The following FOXP2 variants were observed in gnomAD, a reference collection of about 807,000 sequenced individuals.
FOXP2 encodes the protein forkhead box P2.
Under a neutral mutation model 115.8 loss-of-function variants are expected in FOXP2, and 12 were observed. That is an observed-to-expected ratio of 0.10 (90% CI 0.07 to 0.17). The LOEUF (loss-of-function observed/expected upper bound fraction) is 0.17, where lower values mean the gene tolerates loss of function less well. FOXP2 is among the 10% of genes least tolerant of loss of function. The pLI, the probability that FOXP2 is intolerant of heterozygous loss-of-function variation, is 1.00. For synonymous variants in FOXP2, 328 were observed against 297.7 expected, an observed-to-expected ratio of 1.10 and a Z score of -1.05; for missense variants, 629 against 843.5, an observed-to-expected ratio of 0.75 and a Z score of 3.15.
chr7:114,661,202 C>A (rs536876587), intron 13 of FOXP2, among the ~76,000 whole-genome samples: 1 of 151,626 alleles, frequency 6.6e-6, no homozygotes, highest in South Asian at 2.1e-4. Context: ...TAGCTATATG[C>A]CAATGTACCT....
chr7:114,164,857 C>G (rs1406824138), intron 1 of FOXP2, among the ~76,000 whole-genome samples: 1 of 152,104 alleles, frequency 6.6e-6, no homozygotes, highest in African/African-American at 2.4e-5. Flanking sequence ...ACAGAAAAAT[C>G]TTGGTGACCC....
At chr7:114,282,047 G>A (rs1254281649) in intron 1 of FOXP2, among the ~76,000 whole-genome samples, 1 of 152,128 alleles carries the variant, frequency 6.6e-6, no homozygotes, top group Non-Finnish European at 1.5e-5. Context: ...TAAGTTCTCA[G>A]TGGTAATTAA....
intron 3 of FOXP2, among the ~76,000 whole-genome samples, chr7:114,605,185 T>G (rs1361289424): frequency 6.6e-6 from 1 of 152,158 alleles, no homozygotes; most frequent in African/African-American, 2.4e-5. Flanking sequence ...CATTTACATG[T>G]TTTTTTCTTG....
chr7:114,186,549 G>C (rs557048910), intron 1 of FOXP2, among the ~76,000 whole-genome samples: 6 of 152,060 alleles, frequency 3.9e-5, no homozygotes, highest in African/African-American at 1.4e-4. Context: ...CCCTACCCCT[G>C]TGGCTTTGCT....
intron 3 of FOXP2, among the ~76,000 whole-genome samples, chr7:114,572,072 T>C (rs777733464): frequency 2.6e-5 from 4 of 151,798 alleles, no homozygotes; most frequent in Non-Finnish European, 5.9e-5. Flanking sequence ...AAATATCTAA[T>C]TTCATACTTT....
At chr7:114,298,883 A>C (rs1166838837) in intron 2 of FOXP2, among the ~76,000 whole-genome samples, 1 of 152,196 alleles carries the variant, frequency 6.6e-6, no homozygotes, top group Non-Finnish European at 1.5e-5. Flanking sequence ...ATTTTAAATA[A>C]GTCACTTTAC....
At chr7:114,590,442 C>G (rs1036249600) in intron 3 of FOXP2, among the ~76,000 whole-genome samples, 8 of 152,094 alleles carry the variant, frequency 5.3e-5, no homozygotes, top group Non-Finnish European at 7.4e-5. Flanking sequence ...ACCAGAAAGC[C>G]CCTCACAGGG....
intron 3 of FOXP2, among the ~76,000 whole-genome samples, chr7:114,590,425 A>T (rs903761357): frequency 1.3e-5 from 2 of 152,182 alleles, no homozygotes; most frequent in African/African-American, 4.8e-5. Flanking sequence ...CAAACTAGGG[A>T]TCAAGAACCA....
intron 2 of FOXP2, among the ~76,000 whole-genome samples, chr7:114,319,853 T>A (rs542595554): frequency 2.6e-3 from 394 of 152,360 alleles, no homozygotes; most frequent in African/African-American, 9.2e-3. Context: ...TAATTGGGTA[T>A]TGTCATGTAG....
At chr7:114,638,297 C>T (rs1026077402) in intron 6 of FOXP2, among the ~76,000 whole-genome samples, 2 of 152,048 alleles carry the variant, frequency 1.3e-5, no homozygotes, top group African/African-American at 2.4e-5. Flanking sequence ...TCAGGTTTTC[C>T]TTGTTACTAC....
chr7:114,409,536 T>C (rs1290336131), upstream of FOXP2, among the ~76,000 whole-genome samples: 2 of 152,298 alleles, frequency 1.3e-5, no homozygotes, highest in East Asian at 1.9e-4. Flanking sequence ...GGACATCTTA[T>C]TGAATCTTTT....
At chr7:114,448,788 T>C (rs73718510) in intron 2 of FOXP2, among the ~76,000 whole-genome samples, 3,719 of 152,212 alleles carry the variant, frequency 0.024, 142 homozygotes, top group African/African-American at 0.084. Context: ...AATTTTATTT[T>C]TTGAGGTGAA....
At chr7:114,423,653 G>A (rs1450030056) in intron 1 of FOXP2, among the ~76,000 whole-genome samples, 1 of 151,506 alleles carries the variant, frequency 6.6e-6, no homozygotes, top group African/African-American at 2.4e-5. Flanking sequence ...GTATGTTTCG[G>A]ATCATAAGCA....
At chr7:114,486,161 A>G (rs1297128457) in intron 2 of FOXP2, among the ~76,000 whole-genome samples, 1 of 152,172 alleles carries the variant, frequency 6.6e-6, no homozygotes. Context: ...GGTAATTTAT[A>G]AAGTAAAGGA....
At chr7:114,526,274 C>T (rs1004843735) in intron 2 of FOXP2, among the ~76,000 whole-genome samples, 3 of 146,982 alleles carry the variant, frequency 2.0e-5, no homozygotes, top group African/African-American at 7.6e-5. Flanking sequence ...GTCAGGAATT[C>T]GAGATCAGCC....
intron 2 of FOXP2, among the ~76,000 whole-genome samples, chr7:114,367,357 T>A (rs1791906335): frequency 6.6e-6 from 1 of 152,162 alleles, no homozygotes; most frequent in South Asian, 2.1e-4. Context: ...AAATGTGGTC[T>A]TTGAAAATAC....
intron 1 of FOXP2, among the ~76,000 whole-genome samples, chr7:114,240,491 C>T (rs986941963): frequency 6.6e-6 from 1 of 151,762 alleles, no homozygotes; most frequent in African/African-American, 2.4e-5. Context: ...TTAAAAAATG[C>T]ATCGTTTTGT....
intron 1 of FOXP2, among the ~76,000 whole-genome samples, chr7:114,239,785 A>AG (rs1795105994): frequency 1.3e-5 from 2 of 152,222 alleles, no homozygotes; most frequent in African/African-American, 4.8e-5. Flanking sequence ...GTCTTCTACA[A>AG]GGAACAGTCC....
intron 1 of FOXP2, among the ~76,000 whole-genome samples, chr7:114,136,793 G>A (rs537279777): frequency 6.6e-6 from 1 of 151,954 alleles, no homozygotes; most frequent in Admixed American, 6.5e-5. Flanking sequence ...TATTACTACA[G>A]GAGAAGCTAG....
Sources: allele counts gnomAD v4.1 joint callset (sites outside exome capture counted in the v4.1 genomes callset), GRCh38; gene constraint gnomAD v4.1.1; transcripts MANE v1.5; gene names NCBI Gene and HGNC (gene_info 2026-07-23, HGNC 2026-07-21).